MAN1A1: variants seen among roughly 807,000 people sequenced by gnomAD.
The protein encoded by MAN1A1 is mannosyl-oligosaccharide 1,2-alpha-mannosidase IA.
In MAN1A1, 29 loss-of-function variants were observed where a neutral mutation model predicts 70.8. That is an observed-to-expected ratio of 0.41 (90% CI 0.31 to 0.56). The LOEUF is 0.56. Ranked by LOEUF, MAN1A1 falls within the 20% of genes least tolerant of loss-of-function variation. MAN1A1 has a pLI of 0.29. For synonymous variants in MAN1A1, 349 were observed against 330.1 expected (o/e 1.06, Z -0.62); for missense variants, 747 against 841.3 (o/e 0.89, Z 1.39).
chr6:119,200,348 T>A (rs2114944501), intron 8 of MAN1A1, among the ~76,000 whole-genome samples: 1 of 152,294 alleles, frequency 6.6e-6, no homozygotes, highest in African/African-American at 2.4e-5. Context: ...TTGATTATAG[T>A]CCTAAGGTTT....
chr6:119,334,923 G>A (rs1041084972), intron 2 of MAN1A1, among the ~76,000 whole-genome samples: 1 of 152,138 alleles, frequency 6.6e-6, no homozygotes, highest in African/African-American at 2.4e-5. Flanking sequence ...CCACATATCT[G>A]AGTGTTGTGT....
chr6:119,302,423 C>T (rs1268487007), intron 3 of MAN1A1, among the ~76,000 whole-genome samples: 1 of 151,498 alleles, frequency 6.6e-6, no homozygotes, highest in Non-Finnish European at 1.5e-5. Flanking sequence ...ATTCTGTTGC[C>T]CAGGCTGGAG....
At chr6:119,326,433 C>T (rs1314950177) in intron 2 of MAN1A1, among the ~76,000 whole-genome samples, 4 of 152,194 alleles carry the variant, frequency 2.6e-5, no homozygotes, top group Admixed American at 2.0e-4. Context: ...TTACACAAAC[C>T]GGTTATAACA....
intron 6 of MAN1A1, among the ~76,000 whole-genome samples, chr6:119,239,562 A>C (rs1428821850): frequency 6.6e-6 from 1 of 152,260 alleles, no homozygotes; most frequent in Non-Finnish European, 1.5e-5. Context: ...CAATGTAGTT[A>C]GTTGAATATT....
chr6:119,304,243 C>A (rs953450608), intron 3 of MAN1A1, among the ~76,000 whole-genome samples: 1 of 152,052 alleles, frequency 6.6e-6, no homozygotes, highest in Non-Finnish European at 1.5e-5. Context: ...AACCTGAAGA[C>A]CCTTGCATTT....
intron 4 of MAN1A1, among the ~76,000 whole-genome samples, chr6:119,299,794 C>G (rs930003561): frequency 6.6e-6 from 1 of 152,160 alleles, no homozygotes; most frequent in Non-Finnish European, 1.5e-5. Context: ...CTGTGGTGGT[C>G]TGAGGACAGC....
intron 5 of MAN1A1, among the ~76,000 whole-genome samples, chr6:119,274,894 T>A (rs1776013375): frequency 6.6e-6 from 1 of 152,176 alleles, no homozygotes; most frequent in South Asian, 2.1e-4. Context: ...AAATGAGAAT[T>A]TTTTCAATTT....
In MAN1A1 at chr6:119,179,804, A is replaced by G; in HGVS notation, c.*15T>C. 1 of 1,607,724 alleles carries G rather than the reference A, an allele frequency of 6.2e-7. No individual in the cohort carries two copies. The highest frequency in any genetic ancestry group is 8.5e-7 in the Non-Finnish European group (1 of 1,174,630). On this transcript the variant is annotated 3_prime_UTR_variant, in exon 13 of 13. Transcript: ENST00000368468. ...AGTGAAGGGAATGGAGCAGAATAAA[A>G]TATAAAATGTCTTTTTATTCCTCTC...
At chr6:119,200,540 T>C (rs966858592) in intron 8 of MAN1A1, among the ~76,000 whole-genome samples, 25 of 152,238 alleles carry the variant, frequency 1.6e-4, no homozygotes, top group African/African-American at 5.3e-4. Context: ...CAGTGTACTC[T>C]TGCTACAGTT....
At chr6:119,187,215 C>T (rs1184752333) in intron 11 of MAN1A1, among the ~76,000 whole-genome samples, 1 of 152,136 alleles carries the variant, frequency 6.6e-6, no homozygotes, top group African/African-American at 2.4e-5. Flanking sequence ...AATAATGATG[C>T]TTCTTACTAA....
At chr6:119,304,318 A>G (rs1044699978) in intron 3 of MAN1A1, among the ~76,000 whole-genome samples, 3 of 152,210 alleles carry the variant, frequency 2.0e-5, no homozygotes, top group Non-Finnish European at 4.4e-5. Flanking sequence ...ATGGATTCAG[A>G]GAGACACTGG....
At chr6:119,267,860 C>T (rs1775802628) in intron 5 of MAN1A1, among the ~76,000 whole-genome samples, 1 of 152,046 alleles carries the variant, frequency 6.6e-6, no homozygotes, top group South Asian at 2.1e-4. Flanking sequence ...TTTTCTTTTC[C>T]TTATAATTTA....
chr6:119,276,720 A>T (rs1461555571), intron 5 of MAN1A1, among the ~76,000 whole-genome samples: 1 of 152,238 alleles, frequency 6.6e-6, no homozygotes, highest in Non-Finnish European at 1.5e-5. Flanking sequence ...ATCAAGTTAG[A>T]CTTAAGAACT....
chr6:119,315,205 C>T (rs947840035), intron 2 of MAN1A1, among the ~76,000 whole-genome samples: 1 of 152,162 alleles, frequency 6.6e-6, no homozygotes, highest in Admixed American at 6.5e-5. Context: ...AATTCTCCTA[C>T]AGCCAATTTT....
At chr6:119,300,550 G>T (rs924748238) in intron 4 of MAN1A1, among the ~76,000 whole-genome samples, 1 of 151,980 alleles carries the variant, frequency 6.6e-6, no homozygotes, top group Non-Finnish European at 1.5e-5. Flanking sequence ...CACCACGCCC[G>T]GTCCACAGAA....
intron 5 of MAN1A1, among the ~76,000 whole-genome samples, chr6:119,285,655 T>C (rs1009917086): frequency 1.4e-4 from 21 of 151,936 alleles, no homozygotes; most frequent in Non-Finnish European, 2.8e-4. Flanking sequence ...CTCTACTTTC[T>C]GGATTTAAAT....
intron 6 of MAN1A1, among the ~76,000 whole-genome samples, chr6:119,211,971 A>G (rs1259240301): frequency 6.6e-6 from 1 of 151,474 alleles, no homozygotes; most frequent in Non-Finnish European, 1.5e-5. Flanking sequence ...CCTCCTGAGT[A>G]GCTGGGATAC....
At chr6:119,186,998 A>G (rs1254751132) in intron 11 of MAN1A1, among the ~76,000 whole-genome samples, 2 of 152,224 alleles carry the variant, frequency 1.3e-5, no homozygotes, top group Non-Finnish European at 2.9e-5. Flanking sequence ...AATAAAAATC[A>G]TAACACATAA....
intron 2 of MAN1A1, among the ~76,000 whole-genome samples, chr6:119,315,836 A>G (rs1772835324): frequency 6.6e-6 from 1 of 152,224 alleles, no homozygotes; most frequent in Admixed American, 6.5e-5. Context: ...CTTATCAAAA[A>G]TATCTGTCTT....
Sources: allele counts gnomAD v4.1 joint callset (sites outside exome capture counted in the v4.1 genomes callset), GRCh38; gene constraint gnomAD v4.1.1; transcripts MANE v1.5; gene names NCBI Gene and HGNC (gene_info 2026-07-23, HGNC 2026-07-21).